SMC6: variants seen among roughly 807,000 people sequenced by gnomAD.
SMC6 encodes structural maintenance of chromosomes protein 6.
Under a neutral mutation model 142.2 loss-of-function variants are expected in SMC6, and 79 were observed. That is an observed-to-expected ratio of 0.56 (90% CI 0.46 to 0.67). SMC6 has a LOEUF of 0.67. SMC6 is among the 30% of genes least tolerant of loss of function. SMC6 has a pLI of 0.00. For synonymous variants in SMC6, 411 were observed against 412.4 expected, an observed-to-expected ratio of 1.00 and a Z score of 0.04; for missense variants, 1,072 against 1,284.0, an observed-to-expected ratio of 0.83 and a Z score of 2.52.
intron 3 of SMC6, among the ~76,000 whole-genome samples, chr2:17,742,343 T>C (rs1572361433): frequency 6.6e-6 from 1 of 152,250 alleles, no homozygotes; most frequent in Admixed American, 6.5e-5. Flanking sequence ...GCTCTTCTTG[T>C]GACTTTGTCA....
chr2:17,685,177 A>G (rs1323650825), intron 23 of SMC6, among the ~76,000 whole-genome samples: 6 of 152,098 alleles, frequency 3.9e-5, no homozygotes, highest in African/African-American at 1.4e-4. Flanking sequence ...GAGAAGATAT[A>G]GATATTCAAC....
At chr2:17,724,462 A>G (rs1669521610) in intron 9 of SMC6, among the ~76,000 whole-genome samples, 3 of 152,222 alleles carry the variant, frequency 2.0e-5, no homozygotes, top group African/African-American at 7.2e-5. Context: ...GACAAGCTAC[A>G]AAGTTGATGA....
At chr2:17,693,308 C>T (rs928271170) in intron 23 of SMC6, among the ~76,000 whole-genome samples, 2 of 152,132 alleles carry the variant, frequency 1.3e-5, no homozygotes, top group African/African-American at 4.8e-5. Context: ...ACCCAAATGT[C>T]CATCAATGAT....
intron 16 of SMC6, among the ~76,000 whole-genome samples, chr2:17,714,092 G>T (rs77053787): frequency 1.8e-4 from 25 of 139,070 alleles, no homozygotes; most frequent in South Asian, 6.9e-4. Context: ...TGTTTTTTTT[G>T]TTTTTTTTTT....
chr2:17,665,364 T>C lies in SMC6; in HGVS notation c.*135A>G, dbSNP rs535296937. ...TTTCCAGGCTTATTTATATGTTTGATTGTGGTTGGATATATAAAGGAGTTT... is the reference window on the plus strand; with the variant it reads ...TTTCCAGGCTTATTTATATGTTTGACTGTGGTTGGATATATAAAGGAGTTT... On this transcript the variant is annotated 3_prime_UTR_variant, in exon 28 of 28. Coordinates refer to ENST00000448223, the MANE Select transcript of SMC6 (RefSeq NM_001142286.2). 2.1e-5 allele frequency: 9 copies of C among 420,114 alleles called. No homozygotes were observed. The South Asian group carries it at 8.0e-4, about 38-fold the overall frequency. The allele number at this position is 420,114 out of a possible 1,614,324, so 26.0% of individuals were successfully genotyped here. A position where few individuals can be genotyped will look rare whatever the true frequency, so the allele number is the denominator to read the frequency against.
intron 7 of SMC6, among the ~76,000 whole-genome samples, chr2:17,728,431 C>A (rs1053529042): frequency 2.0e-5 from 3 of 152,028 alleles, no homozygotes; most frequent in Non-Finnish European, 4.4e-5. Flanking sequence ...GAGACCCTGT[C>A]CCAAGGCTCA....
intron 21 of SMC6, among the ~76,000 whole-genome samples, chr2:17,698,522 G>A (rs769678967): frequency 5.3e-5 from 8 of 151,946 alleles, no homozygotes; most frequent in African/African-American, 9.7e-5. Flanking sequence ...CACTTCATCT[G>A]ATTTTAATAT....
At chr2:17,702,697 C>A (rs1014826296) in intron 19 of SMC6, among the ~76,000 whole-genome samples, 2 of 152,060 alleles carry the variant, frequency 1.3e-5, no homozygotes, top group Non-Finnish European at 2.9e-5. Flanking sequence ...GCAGCTTCCC[C>A]CCTACTGTTC....
intron 23 of SMC6, among the ~76,000 whole-genome samples, chr2:17,693,304 A>G (rs561215122): frequency 6.6e-6 from 1 of 152,318 alleles, no homozygotes; most frequent in Non-Finnish European, 1.5e-5. Context: ...ACCAACCCAA[A>G]TGTCCATCAA....
intron 21 of SMC6, among the ~76,000 whole-genome samples, chr2:17,698,954 T>C (rs1177986475): frequency 2.0e-5 from 3 of 152,108 alleles, no homozygotes; most frequent in Non-Finnish European, 4.4e-5. Context: ...TACCTCCCTT[T>C]TGTATCCCTT....
At chr2:17,746,249 C>T (rs554292001) in intron 2 of SMC6, 11 of 229,108 alleles carry the variant, frequency 4.8e-5, no homozygotes, top group South Asian at 2.8e-4. Context: ...TCCACAGAAG[C>T]GTAAGATAGT....
intron 5 of SMC6, among the ~76,000 whole-genome samples, chr2:17,736,993 A>AT (rs1670189111): frequency 1.3e-5 from 2 of 152,274 alleles, no homozygotes; most frequent in South Asian, 4.1e-4. Flanking sequence ...AAAATAACTA[A>AT]TTTTTTGCTA....
chr2:17,678,524 T>C (rs1190715384), intron 25 of SMC6, among the ~76,000 whole-genome samples: 2 of 151,666 alleles, frequency 1.3e-5, no homozygotes, highest in African/African-American at 4.9e-5. Context: ...TCCCAGCACT[T>C]TGGGAGGCCA....
chr2:17,713,608 G>T (rs983006094), intron 16 of SMC6: 1 of 459,894 alleles, frequency 2.2e-6, no homozygotes, highest in African/African-American at 2.0e-5. Context: ...ATTCAAGAAG[G>T]ACATTCCTCA....
intron 2 of SMC6, among the ~76,000 whole-genome samples, chr2:17,752,026 G>A (rs1438168169): frequency 6.6e-6 from 1 of 152,048 alleles, no homozygotes; most frequent in Non-Finnish European, 1.5e-5. Context: ...TTTTTGCCAG[G>A]CTCAATACTA....
At chr2:17,670,751 C>A (rs561061713) in intron 25 of SMC6, among the ~76,000 whole-genome samples, 176 bp from the exon 26 acceptor site, 4 of 152,166 alleles carry the variant, frequency 2.6e-5, no homozygotes, top group Admixed American at 2.6e-4. Flanking sequence ...AACAGTTATA[C>A]GTATAATGGT....
intron 2 of SMC6, among the ~76,000 whole-genome samples, chr2:17,751,124 C>T (rs1459729451): frequency 6.6e-6 from 1 of 151,286 alleles, no homozygotes; most frequent in East Asian, 1.9e-4. Context: ...ATACTAAATG[C>T]CATTATAAGT....
chr2:17,743,500 C>G (rs560890714), intron 3 of SMC6, among the ~76,000 whole-genome samples: 8 of 152,150 alleles, frequency 5.3e-5, no homozygotes, highest in African/African-American at 1.9e-4. Flanking sequence ...CTATATACCC[C>G]CTACCCCCAC....
rs1668198357 is a variant in SMC6, at chr2:17,700,131, C to T, written c.2394+77G>A. ...ACATTTAACCAAAAATTCTTTTAGG[C>T]CAATATCCATAGAGTACATGTGGAT... On this transcript the variant is annotated intron_variant, in intron 21 of 27. Coordinates refer to ENST00000448223, the MANE Select transcript of SMC6 (RefSeq NM_001142286.2). The T allele has an allele frequency of 3.1e-6, 3 of 953,946 alleles. No individual in the cohort carries two copies. The African/African-American group carries it at 5.1e-5, about 16-fold the overall frequency. The allele number at this position is 953,946 out of a possible 1,614,324, so 59.1% of individuals were successfully genotyped here.
Sources: gnomAD v4.1 joint callset for allele counts (sites outside exome capture counted in the v4.1 genomes callset) on GRCh38, gnomAD v4.1.1 for gene constraint, MANE v1.5 for transcripts, NCBI Gene and HGNC (gene_info 2026-07-23, HGNC 2026-07-21) for gene names.